PTRH1: variants seen among roughly 807,000 people sequenced by gnomAD.
The protein encoded by PTRH1 is peptidyl-tRNA hydrolase.
PTRH1 carries 13 observed loss-of-function variants against 15.7 expected under a neutral mutation model. That is an observed-to-expected ratio of 0.83 (90% confidence interval 0.54 to 1.31). PTRH1 has a LOEUF of 1.31. Ranked by LOEUF, PTRH1 falls within the 40% of genes most tolerant of loss-of-function variation. The pLI is 0.00. For missense variants in PTRH1, 319 were observed against 296.2 expected, an observed-to-expected ratio of 1.08 and a Z score of -0.56; for synonymous variants, 139 against 136.7, an observed-to-expected ratio of 1.02 and a Z score of -0.12.
At chr9:127,704,472 C>T (rs756383672) in intron 1 of PTRH1, among the ~76,000 whole-genome samples, 35 of 146,968 alleles carry the variant, frequency 2.4e-4, no homozygotes, top group South Asian at 4.3e-4. Flanking sequence ...TGCCACTGCA[C>T]TCCAGCCTAT....
At chr9:127,707,462 C>T (rs749582882) in intron 1 of PTRH1, among the ~76,000 whole-genome samples, 10 of 152,252 alleles carry the variant, frequency 6.6e-5, no homozygotes, top group African/African-American at 2.4e-4. Flanking sequence ...GCAATCCCCA[C>T]GTCCCCCTGC....
chr9:127,710,867 C>T (rs975481871), downstream of PTRH1: 21 of 1,235,010 alleles, frequency 1.7e-5, no homozygotes, highest in African/African-American at 7.6e-5. Context: ...GGAAACTGAC[C>T]GCCGCCCCGA....
At position 127,714,152 on chromosome 9, in the gene PTRH1, A is replaced by G. The variant is rs757157562; in HGVS notation, c.593T>C (p.Leu198Pro). ...LPLLLDRATDLILDHIRERSQ... is the reference protein window; with the variant it reads ...LPLLLDRATDPILDHIRERSQ... ...TCGCTCACGGATGTGGTCCAAGATC[A>G]GGTCGGTGGCTCGATCCAGCAACAG... The change falls in exon 5 of 5, where the codon CTG becomes CCG. Residue 198 changes from leucine (L) to proline (P), a missense_variant. By Grantham distance (98) the Leu-to-Pro change is moderately conservative. Coordinates refer to ENST00000543175, the MANE Select transcript of PTRH1 (RefSeq NM_001002913.3). The G allele has an allele frequency of 1.9e-6, 3 of 1,613,720 alleles. No individual in the cohort carries two copies. The African/African-American group carries it at 4.0e-5, about 22-fold the overall frequency.
chr9:127,704,378 C>T (rs1051168533), intron 1 of PTRH1, among the ~76,000 whole-genome samples: 1 of 151,532 alleles, frequency 6.6e-6, no homozygotes, highest in Non-Finnish European at 1.5e-5. Flanking sequence ...CATGGTGGTG[C>T]GTGCGTGTAG....
At position 127,705,442 on chromosome 9, in the gene PTRH1, G is replaced by A. The variant is rs947310749; in HGVS notation, c.205+9993C>T. Among the ~76,000 whole-genome samples the A allele has an allele frequency of 6.3e-4, 96 of 152,286 alleles. 1 individual carries two copies. The highest frequency in any genetic ancestry group is 2.0e-3 in the African/African-American group (83 of 41,558). ...CCCTCCCTGCCTAGAAGTTCAGCTC[G>A]TCCCTCTTGCCACGTGGTGCTGACA... On this transcript the variant is annotated intron_variant, in intron 1 of 2. Coordinates refer to the PTRH1 transcript ENST00000335223. This position sits in a 1 kb window ranked among gnomAD's most constrained non-coding sequence, Gnocchi z 4.7.
Position 127,714,195 on chromosome 9 carries a change from C to T in PTRH1, c.550G>A (p.Glu184Lys). Residue 184 changes from glutamate to lysine, a missense_variant, in exon 5 of 5, where the codon GAG becomes AAG. Glu to Lys is a moderately conservative substitution (Grantham distance 56). Coordinates refer to ENST00000543175, the MANE Select transcript of PTRH1 (RefSeq NM_001002913.3). ...AGCAACAGAGGCAGCAGCTCCTGCT[C>T]AGCAGGGGAGAAGCAGCCCAGCACA... ...AHVLGCFSPA[E>K]QELLPLLLDR... The T allele has an allele frequency of 6.2e-7, 1 of 1,613,916 alleles. No individual in the cohort carries two copies. The highest frequency in any genetic ancestry group is 8.5e-7 in the Non-Finnish European group (1 of 1,179,996).
At chr9:127,712,498 CT>C (rs1489886068), downstream of PTRH1, 6 of 1,459,576 alleles carry the variant, frequency 4.1e-6, no homozygotes, top group East Asian at 1.2e-4. Context: ...TGATTCTGGC[CT>C]TCAAAGATCC....
downstream of PTRH1, chr9:127,711,140 CCT>C (rs1807543395): frequency 4.0e-6 from 6 of 1,503,286 alleles, no homozygotes; most frequent in South Asian, 7.9e-5. Flanking sequence ...GTTTAACAGC[CCT>C]AGGTGCTCTG....
intron 1 of PTRH1, chr9:127,707,083 A>C (rs1216824262): frequency 6.2e-7 from 1 of 1,613,940 alleles, no homozygotes; most frequent in Admixed American, 1.7e-5. Context: ...TGAAGTCAAG[A>C]AGAAAGGGGG....
chr9:127,707,703 C>G (rs776167200), intron 1 of PTRH1, among the ~76,000 whole-genome samples: 38 of 152,310 alleles, frequency 2.5e-4, no homozygotes, highest in Middle Eastern at 3.4e-3. Flanking sequence ...ATTCTAGAGC[C>G]AGTTTTGTGT....
At chr9:127,710,811 A>T (rs1842749329), downstream of PTRH1, 46 of 1,538,182 alleles carry the variant, frequency 3.0e-5, no homozygotes, top group South Asian at 5.5e-4. Flanking sequence ...GGGGCTACGA[A>T]CATCCTAGTC....
downstream of PTRH1, chr9:127,712,590 G>C (rs745660440): frequency 1.5e-5 from 24 of 1,577,512 alleles, no homozygotes; most frequent in Admixed American, 1.9e-5. Context: ...CTGAAGAATG[G>C]GTATCCCACC....
chr9:127,713,082 C>A (rs759050313), downstream of PTRH1: 46 of 1,613,866 alleles, frequency 2.9e-5, no homozygotes, highest in Non-Finnish European at 3.8e-5. Flanking sequence ...GACATCACCC[C>A]CTACCAGCCG....
intron 1 of PTRH1, among the ~76,000 whole-genome samples, chr9:127,701,476 G>A (rs985180366): frequency 3.9e-5 from 6 of 152,212 alleles, no homozygotes; most frequent in African/African-American, 1.4e-4. Flanking sequence ...TCAAGACTCA[G>A]CTGTTTGCCA....
At chr9:127,711,030 G>A (rs73600047), downstream of PTRH1, among the ~76,000 whole-genome samples, 9,561 of 152,158 alleles carry the variant, frequency 0.063, 959 homozygotes, top group African/African-American at 0.21. Context: ...TTAACAGGTG[G>A]GAGTACATTG....
downstream of PTRH1, chr9:127,713,725 T>A: frequency 5.8e-6 from 5 of 864,898 alleles, no homozygotes; most frequent in South Asian, 6.9e-5. Context: ...CAGGCTGGTC[T>A]CGAACTCCTG....
intron 1 of PTRH1, chr9:127,695,594 C>G (rs765705939): frequency 6.4e-6 from 1 of 155,556 alleles, no homozygotes; most frequent in Non-Finnish European, 1.4e-5. Flanking sequence ...ATCAATTAAG[C>G]AGCTGACCAA....
downstream of PTRH1, chr9:127,710,770 A>G: frequency 1.3e-6 from 2 of 1,556,600 alleles, no homozygotes; most frequent in Non-Finnish European, 1.7e-6. Flanking sequence ...CAAGCGGGGC[A>G]CCCTTTGGGG....
intron 1 of PTRH1, among the ~76,000 whole-genome samples, chr9:127,703,863 G>C (rs1157365270): frequency 1.3e-5 from 2 of 152,210 alleles, no homozygotes; most frequent in African/African-American, 4.8e-5. Context: ...CTGGAGAAGA[G>C]CTTCCACGCT....
Sources: allele counts gnomAD v4.1 joint callset (sites outside exome capture counted in the v4.1 genomes callset), GRCh38; gene constraint gnomAD v4.1.1; non-coding constraint Gnocchi (gnomAD v3.1); transcripts MANE v1.5; gene names NCBI Gene and HGNC (gene_info 2026-07-23, HGNC 2026-07-21).